TNRC6B: variants seen among roughly 807,000 people sequenced by gnomAD.
TNRC6B encodes the protein trinucleotide repeat-containing gene 6B protein.
In TNRC6B, 52 loss-of-function variants were observed where a neutral mutation model predicts 203.6. That is an observed-to-expected ratio of 0.26 (90% CI 0.20 to 0.32). The LOEUF (loss-of-function observed/expected upper bound fraction) is 0.32. Ranked by LOEUF, TNRC6B falls within the 10% of genes least tolerant of loss-of-function variation. The pLI, the probability that TNRC6B is intolerant of heterozygous loss-of-function variation, is 1.00. For missense variants in TNRC6B, 1,923 were observed against 2,286.2 expected, an observed-to-expected ratio of 0.84 and a Z score of 3.24; for synonymous variants, 838 against 845.7, an observed-to-expected ratio of 0.99 and a Z score of 0.16.
chr22:40,272,915 AT>A (rs2070584070), intron 6 of TNRC6B, among the ~76,000 whole-genome samples: 2 of 152,358 alleles, frequency 1.3e-5, no homozygotes, highest in South Asian at 4.1e-4. Context: ...CAAAAATGTT[AT>A]AAAAAATTTT....
chr22:40,330,762 A>G lies in TNRC6B; in HGVS notation c.*7521A>G, dbSNP rs2071456633. The G allele has an allele frequency of 1.3e-5, 2 of 152,754 alleles. No homozygotes were observed. The highest frequency in any genetic ancestry group is 6.5e-5 in the Admixed American group (1 of 15,304). 9.5% of individuals were successfully genotyped at this position (152,754 alleles called of 1,614,324 possible). On this transcript the variant is annotated 3_prime_UTR_variant, in exon 23 of 23. Coordinates refer to ENST00000454349, the MANE Select transcript of TNRC6B (RefSeq NM_001162501.2). ...AGACCGTCCGTTCTAGGAAGAAGCTATCCGTTGGATACAAACAAACAGACG... is the reference window on the plus strand; with the variant it reads ...AGACCGTCCGTTCTAGGAAGAAGCTGTCCGTTGGATACAAACAAACAGACG...
intron 1 of TNRC6B, among the ~76,000 whole-genome samples, chr22:40,231,768 T>C (rs896521819): frequency 2.0e-5 from 3 of 152,202 alleles, no homozygotes; most frequent in African/African-American, 7.2e-5. Flanking sequence ...TTGATGAAAT[T>C]AGAGTGCATA....
At chr22:40,163,480 AGGCC>A (rs2068890140) in intron 4 of TNRC6B, among the ~76,000 whole-genome samples, 21 of 66,202 alleles carry the variant, frequency 3.2e-4, no homozygotes, top group Non-Finnish European at 5.4e-4. Flanking sequence ...AAAAAAAAAA[AGGCC>A]AGGCACGGTG....
chr22:40,154,107 C>A (rs1375671186), intron 3 of TNRC6B, among the ~76,000 whole-genome samples: 1 of 151,822 alleles, frequency 6.6e-6, no homozygotes, highest in Non-Finnish European at 1.5e-5. Context: ...CCTCTGTCCC[C>A]CGAAGTAGCT....
Position 40,321,286 on chromosome 22 carries a change from G to T in TNRC6B, c.5114+57G>T. The T allele has an allele frequency of 1.9e-6, 3 of 1,583,304 alleles. No individual in the cohort carries two copies. The African/African-American group carries it at 4.0e-5, about 21-fold the overall frequency. On this transcript the variant is annotated intron_variant, in intron 22 of 22. Transcript: ENST00000454349. ...AACATGCATGAAGATGCACCCGTGA[G>T]TATTCTGGCAGCTGCTGAATTAAAG...
At chr22:40,159,447 G>C (rs1002325518) in intron 4 of TNRC6B, among the ~76,000 whole-genome samples, 1 of 149,406 alleles carries the variant, frequency 6.7e-6, no homozygotes, top group African/African-American at 2.5e-5. Flanking sequence ...AGACCATCCT[G>C]GTTAACATGG....
chr22:40,266,023 C>G lies in TNRC6B; in HGVS notation c.1793C>G (p.Pro598Arg). ...SGRRSYRPTH[P>R]DCQAVLQTLL... ...CGTCGGTCGTACAGGCCCACACATC[C>G]TGATTGTCAGGCTGTCTTGCAGACT... Residue 598 changes from proline to arginine, a missense_variant, in exon 5 of 23, where the codon CCT (proline) becomes CGT (arginine). By Grantham distance (103) the Pro-to-Arg change is moderately radical. Coordinates refer to ENST00000454349, the MANE Select transcript of TNRC6B (RefSeq NM_001162501.2). The G allele has an allele frequency of 2.5e-6, 4 of 1,613,794 alleles. No homozygotes were observed. The highest frequency in any genetic ancestry group is 3.4e-6 in the Non-Finnish European group (4 of 1,179,904).
chr22:40,234,448 C>T (rs935820161), intron 1 of TNRC6B, among the ~76,000 whole-genome samples: 2 of 152,172 alleles, frequency 1.3e-5, no homozygotes, highest in Non-Finnish European at 2.9e-5. Flanking sequence ...TCGTGTGCTG[C>T]TCAAAGATCT....
At position 40,217,649 on chromosome 22, in the gene TNRC6B, T is replaced by C. The variant is rs188712633; in HGVS notation, c.6-28366T>C. Among the ~76,000 whole-genome samples, 58 of 152,338 alleles carry C rather than the reference T, an allele frequency of 3.8e-4. 1 individual carries two copies. The East Asian group carries it at 4.2e-3, about 11-fold the overall frequency. Reference sequence around the variant, plus strand: ...TGCCTCAGCACTGGTTTAGTCTGTCTGAAAATAGTTTCAAAACAGTTTGAA... The same window carrying C: ...TGCCTCAGCACTGGTTTAGTCTGTCCGAAAATAGTTTCAAAACAGTTTGAA... On this transcript the variant is annotated intron_variant, in intron 1 of 22. Coordinates refer to ENST00000454349, the MANE Select transcript of TNRC6B (RefSeq NM_001162501.2).
At chr22:40,084,267 C>T (rs921059522) in intron 1 of TNRC6B, among the ~76,000 whole-genome samples, 3 of 152,206 alleles carry the variant, frequency 2.0e-5, no homozygotes, top group Admixed American at 6.5e-5. Context: ...TTGCATGGGA[C>T]GCTTGAGCCA....
intron 2 of TNRC6B, among the ~76,000 whole-genome samples, chr22:40,119,555 A>G (rs555075684): frequency 3.3e-5 from 5 of 152,288 alleles, no homozygotes; most frequent in South Asian, 4.1e-4. Flanking sequence ...CTGCACTCCA[A>G]CCTGGGCAAC....
intron 3 of TNRC6B, among the ~76,000 whole-genome samples, chr22:40,137,982 CAAA>C (rs10578847): frequency 1.8e-5 from 2 of 109,874 alleles, no homozygotes; most frequent in African/African-American, 3.5e-5. Flanking sequence ...GACTGTATCT[CAAA>C]AAAAAAAAAA....
At chr22:40,156,182 A>G (rs1036062656) in exon 4 of TNRC6B, 17 of 1,567,498 alleles carry the variant, frequency 1.1e-5, no homozygotes, top group Non-Finnish European at 1.5e-5. Flanking sequence ...GAAAGCAAAC[A>G]GTGAGTCACA....
At chr22:40,139,163 GA>G (rs148842871) in intron 3 of TNRC6B, among the ~76,000 whole-genome samples, 3,072 of 152,202 alleles carry the variant, frequency 0.02, 94 homozygotes, top group African/African-American at 0.07. Context: ...CACCTATTCT[GA>G]ACATTCCATA....
At chr22:40,190,084 A>G (rs2069252935) in intron 1 of TNRC6B, among the ~76,000 whole-genome samples, 1 of 152,206 alleles carries the variant, frequency 6.6e-6, no homozygotes, top group Admixed American at 6.5e-5. Context: ...AGTATGTATT[A>G]CAATAAGTAT....
intron 4 of TNRC6B, among the ~76,000 whole-genome samples, chr22:40,170,986 T>C (rs2068989230): frequency 6.8e-6 from 1 of 147,430 alleles, no homozygotes; most frequent in African/African-American, 2.5e-5. Context: ...TATGTACATA[T>C]ATGTGTATAT....
At chr22:40,197,301 A>G (rs2069350921) in intron 1 of TNRC6B, among the ~76,000 whole-genome samples, 1 of 151,356 alleles carries the variant, frequency 6.6e-6, no homozygotes, top group African/African-American at 2.4e-5. Flanking sequence ...TTTTTTTGAG[A>G]CAGAGTCTCA....
intron 3 of TNRC6B, among the ~76,000 whole-genome samples, chr22:40,252,864 T>C (rs890614394): frequency 2.6e-5 from 4 of 152,180 alleles, no homozygotes; most frequent in Non-Finnish European, 5.9e-5. Context: ...TAAGTATTTA[T>C]ATTTGTAGGG....
intron 1 of TNRC6B, among the ~76,000 whole-genome samples, chr22:40,078,391 G>T (rs2068037264): frequency 6.6e-6 from 1 of 152,044 alleles, no homozygotes; most frequent in Non-Finnish European, 1.5e-5. Context: ...AGATGTGGTG[G>T]CACATGCCTG....
Sources: allele counts gnomAD v4.1 joint callset (sites outside exome capture counted in the v4.1 genomes callset), GRCh38; gene constraint gnomAD v4.1.1; transcripts MANE v1.5; gene names NCBI Gene and HGNC (gene_info 2026-07-23, HGNC 2026-07-21).